The following BMP2K variants were observed in gnomAD, a reference collection of about 807,000 sequenced individuals.
BMP2K encodes the protein BMP-2-inducible protein kinase.
A neutral mutation model predicts 116.0 loss-of-function variants in BMP2K; 74 were observed. The observed-to-expected ratio is 0.64, with a 90% confidence interval of 0.53 to 0.77. The LOEUF is 0.77. Among genes scored for constraint, BMP2K ranks in the 30% least tolerant of loss-of-function variants. The pLI is 0.00. For missense variants in BMP2K, 1,365 were observed against 1,403.6 expected, an observed-to-expected ratio of 0.97 and a Z score of 0.44; for synonymous variants, 486 against 502.5, an observed-to-expected ratio of 0.97 and a Z score of 0.44.
chr4:78,887,993 C>G (rs553311107), intron 15 of BMP2K: 1 of 152,196 alleles, frequency 6.6e-6, no homozygotes, highest in Non-Finnish European at 1.5e-5. Flanking sequence ...TTTTGTTTCT[C>G]ACTCAGGCAA....
intron 14 of BMP2K, among the ~76,000 whole-genome samples, chr4:78,884,086 C>T (rs936918038): frequency 5.3e-5 from 8 of 151,698 alleles, no homozygotes; most frequent in African/African-American, 1.2e-4. Flanking sequence ...TGGCTCCTGC[C>T]TATAATCCAG....
intron 1 of BMP2K, among the ~76,000 whole-genome samples, chr4:78,819,018 G>A (rs547670262): frequency 7.9e-5 from 12 of 152,100 alleles, no homozygotes; most frequent in African/African-American, 4.8e-5. Flanking sequence ...GGCTGGTCAG[G>A]TTTTGAAGCA....
At chr4:78,799,349 C>T (rs916398382) in intron 1 of BMP2K, among the ~76,000 whole-genome samples, 2 of 151,948 alleles carry the variant, frequency 1.3e-5, no homozygotes, top group Non-Finnish European at 2.9e-5. Context: ...TCAGATGGTG[C>T]ATAGACTTTA....
chr4:78,797,153 A>C (rs1728336611), intron 1 of BMP2K, among the ~76,000 whole-genome samples: 1 of 152,174 alleles, frequency 6.6e-6, no homozygotes, highest in Non-Finnish European at 1.5e-5. Context: ...AACTCTAATA[A>C]GTATATGAAT....
At chr4:78,796,508 C>T (rs1463765209) in intron 1 of BMP2K, among the ~76,000 whole-genome samples, 3 of 151,960 alleles carry the variant, frequency 2.0e-5, no homozygotes, top group Non-Finnish European at 2.9e-5. Context: ...GCACAATGTG[C>T]ACATGTACCC....
chr4:78,886,672 C>T (rs918334112), intron 14 of BMP2K, among the ~76,000 whole-genome samples: 8 of 150,036 alleles, frequency 5.3e-5, no homozygotes, highest in African/African-American at 1.5e-4. Context: ...TGTGTGTGTG[C>T]GAGAGAGAGA....
At chr4:78,808,783 A>G (rs1430301114) in intron 1 of BMP2K, among the ~76,000 whole-genome samples, 2 of 151,120 alleles carry the variant, frequency 1.3e-5, no homozygotes, top group Non-Finnish European at 3.0e-5. Context: ...TCTTTTTTTT[A>G]TTGATTTCTA....
intron 3 of BMP2K, among the ~76,000 whole-genome samples, chr4:78,837,566 A>C (rs1397139467): frequency 6.6e-6 from 1 of 152,202 alleles, no homozygotes; most frequent in Non-Finnish European, 1.5e-5. Context: ...ACTGGGGGGA[A>C]AAATACACCT....
chr4:78,815,660 A>G (rs1394654149), intron 1 of BMP2K, among the ~76,000 whole-genome samples: 26 of 152,214 alleles, frequency 1.7e-4, no homozygotes, highest in Admixed American at 1.7e-3. Context: ...TAATATGCCC[A>G]TCACATACAT....
At chr4:78,833,546 A>G (rs1353752429) in intron 2 of BMP2K, 36 bp from the exon 3 acceptor site, 6 of 1,367,484 alleles carry the variant, frequency 4.4e-6, no homozygotes, top group Middle Eastern at 1.8e-4. Context: ...CTTTAAATGT[A>G]CATTTTCCAG....
rs934418003 is a variant in BMP2K, at chr4:78,912,258, G to A, written c.*225G>A. 37 of 471,166 alleles carry A rather than the reference G, an allele frequency of 7.9e-5. No homozygotes were observed. The highest frequency in any genetic ancestry group is 5.9e-4 in the African/African-American group (30 of 50,820). The allele number at this position is 471,166 out of a possible 1,614,324, so 29.2% of individuals were successfully genotyped here. A position where few individuals can be genotyped will look rare whatever the true frequency, so the allele number is the denominator to read the frequency against. On this transcript the variant is annotated 3_prime_UTR_variant, in exon 16 of 16. Coordinates refer to ENST00000502613, the MANE Select transcript of BMP2K (RefSeq NM_198892.2). Reference sequence around the variant, plus strand: ...GAGCTAAATTGCAAGCTCTAACTAAGGGTTTCTGCTACTGACATCACAACA... The same window carrying A: ...GAGCTAAATTGCAAGCTCTAACTAAAGGTTTCTGCTACTGACATCACAACA...
intron 10 of BMP2K, among the ~76,000 whole-genome samples, chr4:78,868,234 G>A (rs1320862187): frequency 6.6e-6 from 1 of 152,194 alleles, no homozygotes; most frequent in East Asian, 1.9e-4. Context: ...GTGGTGAAAG[G>A]CACTTCTTAC....
At position 78,783,056 on chromosome 4, in the gene BMP2K, C is replaced by T. The variant is rs17003450; in HGVS notation, c.178+6335C>T. ...ACTTTTAAGTTCCGATTTGGTTATA[C>T]GCTTTCAGTGAAATCTGATTTGGAA... On this transcript the variant is annotated intron_variant, in intron 1 of 15. Coordinates refer to ENST00000502613, the MANE Select transcript of BMP2K (RefSeq NM_198892.2). 7.2e-3 allele frequency among the ~76,000 whole-genome samples: 1,100 copies of T among 152,242 alleles called. 4 individuals carry two copies. Among genetic ancestry groups the T allele is most frequent in the African/African-American group, 0.017 (703 of 41,544 alleles).
At chr4:78,867,477 CTCTT>C (rs1732112734) in intron 10 of BMP2K, among the ~76,000 whole-genome samples, 1 of 152,188 alleles carries the variant, frequency 6.6e-6, no homozygotes, top group Admixed American at 6.5e-5. Flanking sequence ...GGCCGTGTTT[CTCTT>C]TCTTACATGC....
At chr4:78,867,480 T>C (rs1274959497) in intron 10 of BMP2K, among the ~76,000 whole-genome samples, 1 of 152,226 alleles carries the variant, frequency 6.6e-6, no homozygotes, top group East Asian at 1.9e-4. Context: ...CGTGTTTCTC[T>C]TTCTTACATG....
chr4:78,801,252 G>C, intron 1 of BMP2K, among the ~76,000 whole-genome samples: 1 of 151,578 alleles, frequency 6.6e-6, no homozygotes, highest in Non-Finnish European at 1.5e-5. Flanking sequence ...TGTTTGAATA[G>C]GTGGCCCAAT....
intron 1 of BMP2K, among the ~76,000 whole-genome samples, chr4:78,817,059 T>C (rs947412172): frequency 2.6e-5 from 4 of 152,240 alleles, no homozygotes; most frequent in African/African-American, 9.6e-5. Context: ...ACCATTTGGC[T>C]TCTTGACAAT....
chr4:78,799,955 G>C (rs1728489444), intron 1 of BMP2K, among the ~76,000 whole-genome samples: 1 of 152,160 alleles, frequency 6.6e-6, no homozygotes, highest in Non-Finnish European at 1.5e-5. Context: ...GGAATATTAA[G>C]TGCGGGGAAT....
rs11098353 is a variant in BMP2K at position 78,782,948 on chromosome 4, A to C, written c.178+6227A>C. Among the ~76,000 whole-genome samples the C allele has an allele frequency of 6.7e-3, 1,025 of 152,316 alleles. 44 individuals are homozygous for C. In the East Asian group the frequency reaches 0.11, roughly 16 times the overall value. ...GTTTCCTCTTCTGAAACAAGGAGTT[A>C]ATATCTATTATGAAGATTAGAGAAG... On this transcript the variant is annotated intron_variant, in intron 1 of 15. Coordinates refer to ENST00000502613, the MANE Select transcript of BMP2K (RefSeq NM_198892.2).
Sources: gnomAD v4.1 joint callset for allele counts (sites outside exome capture counted in the v4.1 genomes callset) on GRCh38, gnomAD v4.1.1 for gene constraint, MANE v1.5 for transcripts, NCBI Gene and HGNC (gene_info 2026-07-23, HGNC 2026-07-21) for gene names.